The following GNAS-AS1 variants were observed in gnomAD, a reference collection of about 807,000 sequenced individuals.
GNAS-AS1 encodes GNAS antisense RNA 1, also known as GNAS antisense RNA 1 (non-protein coding).
At chr20:58,827,245 C>T (rs1329069333) in intron 4 of GNAS-AS1, among the ~76,000 whole-genome samples, 1 of 152,132 alleles carries the variant, frequency 6.6e-6, no homozygotes, top group Non-Finnish European at 1.5e-5. Context: ...AACCCAGCCC[C>T]ACAAGCAGAG....
Position 58,846,889 on chromosome 20 carries a change from T to C in GNAS-AS1, n.413+1990A>G, listed in dbSNP as rs532475882. Reference sequence around the variant, plus strand: ...CAGAAATTTTAAGCAGAGCTTCCACTAAAGCCAAATTTACCTTCCGAGATT... The same window carrying C: ...CAGAAATTTTAAGCAGAGCTTCCACCAAAGCCAAATTTACCTTCCGAGATT... On this transcript the variant is annotated intron_variant and non_coding_transcript_variant, in intron 2 of 4. Coordinates refer to ENST00000424094, the Ensembl canonical transcript of GNAS-AS1. Among the ~76,000 whole-genome samples the C allele has an allele frequency of 2.0e-5, 3 of 152,314 alleles. No individual in the cohort carries two copies. In the South Asian group the frequency reaches 6.2e-4, roughly 32 times the overall value.
chr20:58,844,807 AC>A (rs1279360744), intron 2 of GNAS-AS1, among the ~76,000 whole-genome samples: 6 of 152,082 alleles, frequency 3.9e-5, no homozygotes, highest in Non-Finnish European at 8.8e-5. Flanking sequence ...CAAAAAAAAA[AC>A]AAAACAAAAC....
chr20:58,827,627 T>C (rs1169186454), intron 4 of GNAS-AS1, among the ~76,000 whole-genome samples: 1 of 152,154 alleles, frequency 6.6e-6, no homozygotes, highest in Non-Finnish European at 1.5e-5. Context: ...GCCCAGACGA[T>C]GAGGTGATGG....
chr20:58,825,609 T>C (rs1357383599), intron 4 of GNAS-AS1, among the ~76,000 whole-genome samples: 2 of 152,180 alleles, frequency 1.3e-5, no homozygotes, highest in African/African-American at 4.8e-5. Flanking sequence ...CAGTTCAGTA[T>C]TGGAATATGG....
chr20:58,844,780 A>G (rs1343456029), intron 2 of GNAS-AS1, among the ~76,000 whole-genome samples: 3 of 151,904 alleles, frequency 2.0e-5, no homozygotes, highest in African/African-American at 7.3e-5. Flanking sequence ...CCCGGCCTAC[A>G]GTGTGAGACT....
chr20:58,849,110 G>C (rs1480811139), intron 1 of GNAS-AS1, among the ~76,000 whole-genome samples: 1 of 152,104 alleles, frequency 6.6e-6, no homozygotes, highest in Non-Finnish European at 1.5e-5. Context: ...GCAAAGTCTG[G>C]AGACATTTTT....
chr20:58,820,583 T>G (rs2085479318), intron 4 of GNAS-AS1, among the ~76,000 whole-genome samples: 1 of 152,256 alleles, frequency 6.6e-6, no homozygotes, highest in Non-Finnish European at 1.5e-5. Context: ...TTAGTCCGTT[T>G]TCACACTGCT....
chr20:58,822,245 T>C (rs1476476729), intron 4 of GNAS-AS1, among the ~76,000 whole-genome samples: 1 of 152,228 alleles, frequency 6.6e-6, no homozygotes, highest in African/African-American at 2.4e-5. Flanking sequence ...ATTCTGATGA[T>C]GACCCTTGTT....
At chr20:58,829,135 T>C (rs1265251195) in intron 4 of GNAS-AS1, among the ~76,000 whole-genome samples, 1 of 152,242 alleles carries the variant, frequency 6.6e-6, no homozygotes, top group Non-Finnish European at 1.5e-5. Context: ...TCCCTGCTTC[T>C]CTACCTCAGT....
chr20:58,838,916 C>CAA (rs766172876), intron 4 of GNAS-AS1: 11,500 of 240,580 alleles, frequency 0.048, 375 homozygotes, highest in African/African-American at 0.18. Context: ...GATTCTGTCT[C>CAA]AAAAAAAAAA....
rs1203186616 is a variant in GNAS-AS1, at chr20:58,834,989, G to C, written n.819+6948C>G. On this transcript the variant is annotated intron_variant and non_coding_transcript_variant, in intron 4 of 4. Transcript: ENST00000424094. ...CTCGAGGTTTTCACCATTTCTACTG[G>C]TGAGAGCCAATTGATATCAGCGCAG... Among the ~76,000 whole-genome samples, 5 of 152,176 alleles carry C rather than the reference G, an allele frequency of 3.3e-5. No homozygotes were observed. The East Asian group carries it at 7.7e-4, about 23-fold the overall frequency.
At chr20:58,846,919 C>T (rs565751817) in intron 2 of GNAS-AS1, among the ~76,000 whole-genome samples, 2 of 152,238 alleles carry the variant, frequency 1.3e-5, no homozygotes, top group Non-Finnish European at 2.9e-5. Context: ...GAGATTCCCT[C>T]TTTCCCCTCC....
chr20:58,825,173 A>T (rs930392177), intron 4 of GNAS-AS1, among the ~76,000 whole-genome samples: 4 of 152,260 alleles, frequency 2.6e-5, no homozygotes, highest in African/African-American at 9.6e-5. Flanking sequence ...CAAGTAATTT[A>T]GCCCCGTTGA....
At chr20:58,848,910 G>C in exon 2 of GNAS-AS1, 1 of 398,586 alleles carries the variant, frequency 2.5e-6, no homozygotes, top group Non-Finnish European at 4.4e-6. Context: ...GAGTCTGGTA[G>C]CCAGTCACTA....
intron 4 of GNAS-AS1, chr20:58,838,793 T>C: frequency 7.7e-6 from 3 of 389,188 alleles, no homozygotes; most frequent in Non-Finnish European, 1.4e-5. Context: ...GGTGCACGCC[T>C]GTAATCCCAG....
At position 58,825,466 on chromosome 20, in the gene GNAS-AS1, C is replaced by A. The variant is rs56974553; in HGVS notation, n.820-6211G>T. ...CATTTCCAGAGCATGCACTTGTCTT[C>A]ATGAGTATTTTTAAAATACTTAACC... On this transcript the variant is annotated intron_variant and non_coding_transcript_variant, in intron 4 of 4. Transcript: ENST00000424094. 7.2e-3 allele frequency among the ~76,000 whole-genome samples: 1,095 copies of A among 152,306 alleles called. 16 individuals carry two copies. The highest frequency in any genetic ancestry group is 0.025 in the African/African-American group (1,028 of 41,566).
At chr20:58,835,608 A>G (rs1274961137) in intron 4 of GNAS-AS1, among the ~76,000 whole-genome samples, 2 of 152,192 alleles carry the variant, frequency 1.3e-5, no homozygotes, top group African/African-American at 4.8e-5. Context: ...CTCCCTGTCT[A>G]TCTGGGCTGG....
At chr20:58,827,378 C>G (rs2085527998) in intron 4 of GNAS-AS1, among the ~76,000 whole-genome samples, 1 of 151,838 alleles carries the variant, frequency 6.6e-6, no homozygotes, top group Non-Finnish European at 1.5e-5. Flanking sequence ...GACAAATACT[C>G]AGGCCCTGCT....
At chr20:58,824,483 T>C (rs1479378863) in intron 4 of GNAS-AS1, among the ~76,000 whole-genome samples, 1 of 152,226 alleles carries the variant, frequency 6.6e-6, no homozygotes, top group Non-Finnish European at 1.5e-5. Context: ...AACCTCCTTT[T>C]GCCATAGCAC....
Sources: allele counts gnomAD v4.1 joint callset (sites outside exome capture counted in the v4.1 genomes callset), GRCh38; gene constraint gnomAD v4.1.1; transcripts MANE v1.5; gene names NCBI Gene and HGNC (gene_info 2026-07-23, HGNC 2026-07-21).